Variants in PGGHG observed in about 807,000 individuals in gnomAD.
The protein encoded by PGGHG is protein-glucosylgalactosylhydroxylysine glucosidase.
Under a neutral mutation model 74.5 loss-of-function variants are expected in PGGHG, and 67 were observed. That is an observed-to-expected ratio of 0.90 (90% CI 0.74 to 1.10). The LOEUF (loss-of-function observed/expected upper bound fraction) is 1.10, where lower values mean the gene tolerates loss of function less well. PGGHG is among the 50% of genes least tolerant of loss of function. The probability of loss-of-function intolerance (pLI) is 0.00; values close to 1 mark genes in which losing one functional copy is unlikely to be tolerated. For missense variants in PGGHG, 1,034 were observed against 981.5 expected, an observed-to-expected ratio of 1.05 and a Z score of -0.72; for synonymous variants, 496 against 419.9, an observed-to-expected ratio of 1.18 and a Z score of -2.21.
At position 291,042 on chromosome 11, in the gene PGGHG, G is replaced by A. The variant is rs1453249551; in HGVS notation, c.835G>A (p.Gly279Ser). Reference sequence around the variant, plus strand: ...CAAGGCCCCAGGATACATCTGCCATGGCCTCAGTCCTGGGGGCCTCTCCAA... The same window carrying A: ...CAAGGCCCCAGGATACATCTGCCATAGCCTCAGTCCTGGGGGCCTCTCCAA... ...QPKAPGYICH[G>S]LSPGGLSNGS... is the part of the protein sequence containing the mutation. Residue 279 changes from glycine (G) to serine (S), a missense_variant, in exon 4 of 14, where the codon GGC (glycine) becomes AGC (serine). Physicochemically the swap from Gly to Ser is moderately conservative, Grantham distance 56. Transcript: ENST00000409548. 1.2e-6 allele frequency: 2 copies of A among 1,612,072 alleles called. No homozygotes were observed. Among genetic ancestry groups the A allele is most frequent in the Non-Finnish European group, 1.7e-6 (2 of 1,179,628 alleles).
rs552163916 is a variant in PGGHG at position 295,886 on chromosome 11, G to C, written c.*1137G>C. 9.2e-5 allele frequency: 14 copies of C among 152,516 alleles called. No individual in the cohort carries two copies. The highest frequency in any genetic ancestry group is 3.4e-4 in the African/African-American group (14 of 41,586). The allele number at this position is 152,516 out of a possible 1,614,324, so 9.4% of individuals were successfully genotyped here. A position where few individuals can be genotyped will look rare whatever the true frequency, so the allele number is the denominator to read the frequency against. On this transcript the variant is annotated 3_prime_UTR_variant, in exon 14 of 14. Coordinates refer to ENST00000409548, the MANE Select transcript of PGGHG (RefSeq NM_025092.5). ...CAGCAGAGGTTTGGACGGAGACTCAGGGAGGGAGGGAAGGAGGCAAGGACG... is the reference window on the plus strand; with the variant it reads ...CAGCAGAGGTTTGGACGGAGACTCACGGAGGGAGGGAAGGAGGCAAGGACG...
rs201092544 is a variant in PGGHG at position 294,525 on chromosome 11, C to CTCACCCCCCGACTGCCCT, written c.2021-31_2021-30insTCACCCCCCGACTGCCCT. 19 of 1,596,068 alleles carry CTCACCCCCCGACTGCCCT rather than the reference C, an allele frequency of 1.2e-5. No homozygotes were observed. The African/African-American group carries it at 2.2e-4, about 18-fold the overall frequency. ...CAGGTGCCTGCGACCCCAGGCTGCCCCTCACCCCCAGGCTGCCTCTCTCCC... is the reference window on the plus strand; with the variant it reads ...CAGGTGCCTGCGACCCCAGGCTGCCCTCACCCCCCGACTGCCCTCTCACCCCCAGGCTGCCTCTCTCCC... On this transcript the variant is annotated intron_variant, in intron 13 of 13. Coordinates refer to ENST00000409548, the MANE Select transcript of PGGHG (RefSeq NM_025092.5).
In PGGHG at chr11:289,827, C is replaced by T. The variant is rs765940810; in HGVS notation, c.11C>T (p.Ala4Val). The T allele has an allele frequency of 1.9e-6, 3 of 1,550,110 alleles. No homozygotes were observed. The highest frequency in any genetic ancestry group is 2.4e-5 in the South Asian group (2 of 83,970). Residue 4 changes from alanine (A) to valine (V), a missense_variant, in exon 2 of 14, where the codon GCC (alanine) becomes GTC (valine). Coordinates refer to ENST00000409548, the MANE Select transcript of PGGHG (RefSeq NM_025092.5). This position sits in a 1 kb window ranked among gnomAD's most constrained non-coding sequence, Gnocchi z 5.6. ...AGGCCCAGCAGCTCCATGGAGGACG[C>T]CGGCGAGGACCCCACCACGTTTGCT... MED[A>V]GEDPTTFAAH...
In PGGHG at chr11:294,679, G is replaced by T; in HGVS notation, c.2144G>T (p.Ser715Ile). The change falls in exon 14 of 14, where the codon AGC becomes ATC. Residue 715 changes from serine to isoleucine, a missense_variant. Coordinates refer to ENST00000409548, the MANE Select transcript of PGGHG (RefSeq NM_025092.5). ...TFSDVRDPLQ[S>I]PLWVTLGSSS... is the part of the protein sequence containing the mutation. Reference sequence around the variant, plus strand: ...TCAGATGTTAGGGACCCGCTCCAGAGCCCCCTCTGGGTCACCCTGGGTTCC... The same window carrying T: ...TCAGATGTTAGGGACCCGCTCCAGATCCCCCTCTGGGTCACCCTGGGTTCC... The T allele has an allele frequency of 6.2e-7, 1 of 1,613,538 alleles. No individual in the cohort carries two copies. Among genetic ancestry groups the T allele is most frequent in the Non-Finnish European group, 8.5e-7 (1 of 1,179,934 alleles).
Position 294,995 on chromosome 11 carries a change from C to T in PGGHG, c.*246C>T. The T allele has an allele frequency of 2.2e-6, 1 of 444,830 alleles. No individual in the cohort carries two copies. The highest frequency in any genetic ancestry group is 5.6e-5 in the South Asian group (1 of 17,756). 27.6% of individuals were successfully genotyped at this position (444,830 alleles called of 1,614,324 possible). On this transcript the variant is annotated 3_prime_UTR_variant, in exon 14 of 14. Coordinates refer to ENST00000409548, the MANE Select transcript of PGGHG (RefSeq NM_025092.5). Reference sequence around the variant, plus strand: ...CTCTGCCTGCCCCTGTGGACTGATGCTATCGCGCACCGTCCCACGACCCCA... The same window carrying T: ...CTCTGCCTGCCCCTGTGGACTGATGTTATCGCGCACCGTCCCACGACCCCA...
chr11:292,831 A>G (rs758196372), intron 6 of PGGHG, 55 bp from the exon 7 acceptor site: 42 of 1,612,148 alleles, frequency 2.6e-5, no homozygotes, highest in Non-Finnish European at 3.5e-5. Context: ...CAGACAGGCC[A>G]CTAGGAATGA....
In PGGHG at chr11:292,887, A is replaced by G. The variant is rs142215595; in HGVS notation, c.1160A>G (p.Asp387Gly). 1,077 of 1,613,992 alleles carry G rather than the reference A, an allele frequency of 6.7e-4. 1 individual carries two copies. Among genetic ancestry groups the G allele is most frequent in the Non-Finnish European group, 8.4e-4 (993 of 1,179,992 alleles). ...AFELYYHTTQ[D>G]LQLFREAGGW... ...TCTGTGCCTCCTCCTGCTCCCCAGG[A>G]CCTGCAGCTATTTCGAGAGGCTGGT... is the stretch of plus-strand genomic sequence containing the variant. The change falls in exon 7 of 14, where the codon GAC (aspartate) becomes GGC (glycine). Residue 387 changes from aspartate to glycine, a missense_variant and splice_region_variant. Physicochemically the swap from Asp to Gly is moderately conservative, Grantham distance 94 (BLOSUM62 -1). Coordinates refer to ENST00000409548, the MANE Select transcript of PGGHG (RefSeq NM_025092.5).
rs924632715 is a variant in PGGHG, at chr11:289,916, C to T, written c.100C>T (p.Arg34Ter). The change falls in exon 2 of 14, where the codon CGA (arginine) becomes TGA (stop). Residue 34 changes from arginine (R) to a stop codon, truncating the protein, a stop_gained. Transcript: ENST00000409548. LOFTEE classifies it high-confidence loss of function. The surrounding 1 kb of genome is among the most constrained non-coding windows in gnomAD (Gnocchi z 5.6). ...ATVTNAYLGT[R>*]VFHDTLHVSG... ...TGTGACCAACGCATACCTGGGCACA[C>T]GAGTGTTTCACGACACGCTGCACGT... The T allele has an allele frequency of 7.1e-6, 11 of 1,550,910 alleles. No homozygotes were observed. In the East Asian group the frequency reaches 1.2e-4, roughly 17 times the overall value.
chr11:290,812 C>T lies in PGGHG; in HGVS notation c.605C>T (p.Thr202Ile), dbSNP rs1443309724. 5.0e-6 allele frequency: 8 copies of T among 1,612,532 alleles called. No individual in the cohort carries two copies. Among genetic ancestry groups the T allele is most frequent in the Non-Finnish European group, 5.1e-6 (6 of 1,179,862 alleles). The change falls in exon 4 of 14, where the codon ACA (threonine) becomes ATA (isoleucine). Residue 202 changes from threonine to isoleucine, a missense_variant. Coordinates refer to ENST00000409548, the MANE Select transcript of PGGHG (RefSeq NM_025092.5). The stretch of plus-strand genomic sequence containing the variant: ...GAGGCTAGGACGTGGGACTTCCTGA[C>T]AGCAGTGGGCGGCAGCCAGGCTGAG... ...GEEARTWDFL[T>I]AVGGSQAEAQ...
intron 8 of PGGHG, 25 bp from the exon 9 acceptor site, chr11:293,341 C>T (rs1845783917): frequency 1.9e-6 from 3 of 1,608,104 alleles, no homozygotes; most frequent in Non-Finnish European, 2.5e-6. Flanking sequence ...GGGTTGCAGC[C>T]TCCCCCACCT....
At chr11:291,690 T>A in intron 4 of PGGHG, 2 of 381,622 alleles carry the variant, frequency 5.2e-6, no homozygotes, top group Non-Finnish European at 9.6e-6. Flanking sequence ...AGTCATTCAC[T>A]GCCAGCCTGA....
Position 289,604 on chromosome 11 carries a change from C to G in PGGHG, c.-13-200C>G, listed in dbSNP as rs1330670526. ...CTCAGCTGGGTTCCTGGAGATCAAC[C>G]TTTGGGGTCTGAGCCCCTCTGAGAG... On this transcript the variant is annotated intron_variant, in intron 1 of 13. Coordinates refer to ENST00000409548, the MANE Select transcript of PGGHG (RefSeq NM_025092.5). This position sits in a 1 kb window ranked among gnomAD's most constrained non-coding sequence, Gnocchi z 5.6. 6 of 645,912 alleles carry G rather than the reference C, an allele frequency of 9.3e-6. No homozygotes were observed. In the South Asian group the frequency reaches 1.0e-4, roughly 11 times the overall value. The allele number at this position is 645,912 out of a possible 1,614,324, so 40.0% of individuals were successfully genotyped here. A position where few individuals can be genotyped will look rare whatever the true frequency, so the allele number is the denominator to read the frequency against.
In PGGHG at chr11:293,503, G is replaced by A. The variant is rs1590289827; in HGVS notation, c.1480+1G>A. On this transcript the variant is annotated splice_donor_variant, in intron 9 of 13. Transcript: ENST00000409548. LOFTEE classifies it high-confidence loss of function. ...CCGGAGTTCGATGGGTATGAGCCTG[G>A]TGAGTGGACCCCTTCAAGGGCTCCT... 2 of 1,611,438 alleles carry A rather than the reference G, an allele frequency of 1.2e-6. No individual in the cohort carries two copies. Among genetic ancestry groups the A allele is most frequent in the East Asian group, 2.2e-5 (1 of 44,870 alleles).
rs77726029 is a variant in PGGHG, at chr11:295,081, C to G, written c.*332C>G. On this transcript the variant is annotated 3_prime_UTR_variant, in exon 14 of 14. Transcript: ENST00000409548. The stretch of plus-strand genomic sequence containing the variant: ...CACCTCTGGCCTCTCATCCCCCACT[C>G]TCCTGAGAGCAGTGGTCACAGCGGC... 4.4e-6 allele frequency: 1 copy of G among 228,964 alleles called. No individual in the cohort carries two copies. Among genetic ancestry groups the G allele is most frequent in the East Asian group, 9.0e-5 (1 of 11,154 alleles). 14.2% of individuals were successfully genotyped at this position (228,964 alleles called of 1,614,324 possible). A position where few individuals can be genotyped will look rare whatever the true frequency, so the allele number is the denominator to read the frequency against.
Position 293,857 on chromosome 11 carries a change from C to G in PGGHG, c.1642C>G (p.Leu548Val), listed in dbSNP as rs775776912. The change falls in exon 11 of 14, where the codon CTG (leucine) becomes GTG (valine). Residue 548 changes from leucine to valine, a missense_variant. Transcript: ENST00000409548. ...CATGTTTGCTGTGGGCTGGATGGAG[C>G]TGAAGGACGCAGTGCGGGCCCGGGG... ...WSMFAVGWMELKDAVRARGLL... is the reference protein window; with the variant it reads ...WSMFAVGWMEVKDAVRARGLL... 1.9e-6 allele frequency: 3 copies of G among 1,613,718 alleles called. No homozygotes were observed. The highest frequency in any genetic ancestry group is 2.5e-6 in the Non-Finnish European group (3 of 1,180,000).
rs1367424205 is a variant in PGGHG at position 294,803 on chromosome 11, G to T, written c.*54G>T. On this transcript the variant is annotated 3_prime_UTR_variant, in exon 14 of 14. Transcript: ENST00000409548. ...TTGGGCCTTCCCTCTGGCCACGTCT[G>T]CACCCACCCCTCCTGGGCACCCTCC... 2 of 1,517,522 alleles carry T rather than the reference G, an allele frequency of 1.3e-6. No homozygotes were observed. The highest frequency in any genetic ancestry group is 8.9e-7 in the Non-Finnish European group (1 of 1,126,186). The allele number at this position is 1,517,522 out of a possible 1,614,324, so 94.0% of individuals were successfully genotyped here.
chr11:293,297 G>T (rs1219360994), intron 8 of PGGHG, 62 bp downstream of exon 8: 1 of 1,601,220 alleles, frequency 6.2e-7, no homozygotes, highest in Non-Finnish European at 8.5e-7. Flanking sequence ...CTGCCCCGGT[G>T]CCCCCACTAG....
At chr11:293,785 C>T (rs12418165) in intron 10 of PGGHG, 45 bp from the exon 11 acceptor site, 394,115 of 1,613,260 alleles carry the variant, frequency 0.24, 52,908 homozygotes, top group Non-Finnish European at 0.27. Flanking sequence ...TCTCTGCCCA[C>T]GCAGTGGGCC....
At chr11:294,219 G>A in intron 12 of PGGHG, 23 bp downstream of exon 12, 1 of 1,596,576 alleles carries the variant, frequency 6.3e-7, no homozygotes. Flanking sequence ...GCTGGCAGAG[G>A]GCAGCCCATG....
Sources: allele counts gnomAD v4.1 joint callset, GRCh38; gene constraint gnomAD v4.1.1; non-coding constraint Gnocchi (gnomAD v3.1); transcripts MANE v1.5; gene names NCBI Gene and HGNC (gene_info 2026-07-23, HGNC 2026-07-21).